Variants in CALN1 observed in about 807,000 individuals in gnomAD.
The protein encoded by CALN1 is calcium-binding protein 8.
Under a neutral mutation model 30.6 loss-of-function variants are expected in CALN1, and 17 were observed. That is an observed-to-expected ratio of 0.56 (90% CI 0.38 to 0.83). The LOEUF (loss-of-function observed/expected upper bound fraction) is 0.83, where lower values mean the gene tolerates loss of function less well. Ranked by LOEUF, CALN1 falls within the 40% of genes least tolerant of loss-of-function variation. CALN1 has a pLI of 0.00. For synonymous variants in CALN1, 156 were observed against 131.4 expected, an observed-to-expected ratio of 1.19 and a Z score of -1.28; for missense variants, 291 against 354.9, an observed-to-expected ratio of 0.82 and a Z score of 1.45.
intron 2 of CALN1, among the ~76,000 whole-genome samples, chr7:72,333,900 C>G (rs182153851): frequency 1.3e-5 from 2 of 152,258 alleles, no homozygotes; most frequent in Non-Finnish European, 2.9e-5. Context: ...GAATATAGGG[C>G]ACCCACTCTG....
At position 72,396,235 on chromosome 7, in the gene CALN1, T is replaced by TAAAAAAAAAAAAAAAAAA. The variant is rs55683543; in HGVS notation, c.119+6998_119+7015dup. On this transcript the variant is annotated intron_variant, in intron 2 of 6. Transcript: ENST00000395275. The stretch of plus-strand genomic sequence containing the variant: ...AGCATGGTGAAACTCTTGTCTCTAC[T>TAAAAAAAAAAAAAAAAAA]AAAAAAAAAAAAAAAAAAAAAAGAA... Among the ~76,000 whole-genome samples the TAAAAAAAAAAAAAAAAAA allele has an allele frequency of 9.6e-4, 51 of 53,302 alleles. 1 individual carries two copies. Among genetic ancestry groups the TAAAAAAAAAAAAAAAAAA allele is most frequent in the Admixed American group, 1.2e-3 (5 of 4,240 alleles). 35.0% of individuals were successfully genotyped at this position (53,302 alleles called of 152,430 possible).
chr7:72,159,706 G>C lies in CALN1; in HGVS notation c.245-53412C>G, dbSNP rs1455316592. Among the ~76,000 whole-genome samples, 3 of 152,136 alleles carry C rather than the reference G, an allele frequency of 2.0e-5. No homozygotes were observed. In the South Asian group the frequency reaches 6.2e-4, roughly 31 times the overall value. The stretch of plus-strand genomic sequence containing the variant: ...CCAGTTACTAGGGAGGCTGAGGCAG[G>C]AGGATGGCTTGAACCTGGGAGGCAA... On this transcript the variant is annotated intron_variant, in intron 3 of 6. Coordinates refer to ENST00000395275, the MANE Select transcript of CALN1 (RefSeq NM_031468.4).
chr7:72,410,545 A>G (rs749023638), intron 1 of CALN1, among the ~76,000 whole-genome samples: 2 of 152,212 alleles, frequency 1.3e-5, no homozygotes, highest in African/African-American at 2.4e-5. Flanking sequence ...TCCACATCTG[A>G]AAACTGAAAT....
chr7:71,871,720 T>C (rs910017989), intron 5 of CALN1, among the ~76,000 whole-genome samples: 1 of 152,154 alleles, frequency 6.6e-6, no homozygotes, highest in Non-Finnish European at 1.5e-5. Flanking sequence ...TACTCTTCTC[T>C]AGTTTCCCAT....
intron 2 of CALN1, among the ~76,000 whole-genome samples, chr7:72,398,831 TAAACAG>T (rs1386607614): frequency 6.6e-6 from 1 of 152,170 alleles, no homozygotes; most frequent in African/African-American, 2.4e-5. Context: ...AAAGTTTCTA[TAAACAG>T]AAACAAAAAA....
intron 1 of CALN1, among the ~76,000 whole-genome samples, chr7:72,433,905 A>G (rs939216488): frequency 6.6e-6 from 1 of 151,846 alleles, no homozygotes; most frequent in Non-Finnish European, 1.5e-5. Context: ...AATAATAATA[A>G]TAATTAGCCA....
intron 3 of CALN1, among the ~76,000 whole-genome samples, chr7:72,109,298 C>T (rs1023046232): frequency 1.3e-5 from 2 of 152,166 alleles, no homozygotes; most frequent in Non-Finnish European, 2.9e-5. Context: ...ATTAGGTCCA[C>T]GGCCAAACCC....
At chr7:72,016,248 CAAAAA>C (rs1216381592) in intron 5 of CALN1, among the ~76,000 whole-genome samples, 1 of 73,378 alleles carries the variant, frequency 1.4e-5, no homozygotes, top group African/African-American at 4.4e-5. Context: ...GACTCCATCT[CAAAAA>C]AAAAAAAAAA....
chr7:72,366,547 T>TC (rs35298825), intron 2 of CALN1, among the ~76,000 whole-genome samples: 1 of 151,778 alleles, frequency 6.6e-6, no homozygotes, highest in South Asian at 2.1e-4. Context: ...GGATGAATTT[T>TC]TAGTGCTGAA....
chr7:71,817,624 T>C (rs1466311777), intron 5 of CALN1, among the ~76,000 whole-genome samples: 2 of 152,238 alleles, frequency 1.3e-5, no homozygotes, highest in Non-Finnish European at 2.9e-5. Context: ...CAAGTGGTTC[T>C]TCTGCCTCAG....
chr7:72,132,623 C>A (rs1299651118), intron 3 of CALN1, among the ~76,000 whole-genome samples: 1 of 152,134 alleles, frequency 6.6e-6, no homozygotes, highest in African/African-American at 2.4e-5. Flanking sequence ...AGCTGCACAG[C>A]CAGTCTACCA....
chr7:72,254,842 C>T (rs1442447200), intron 3 of CALN1, among the ~76,000 whole-genome samples: 4 of 152,154 alleles, frequency 2.6e-5, no homozygotes, highest in Admixed American at 2.6e-4. Flanking sequence ...TCTCGGCTCA[C>T]TGCAACCTCT....
At chr7:71,944,720 A>T (rs908932760) in intron 5 of CALN1, among the ~76,000 whole-genome samples, 3 of 152,154 alleles carry the variant, frequency 2.0e-5, no homozygotes, top group African/African-American at 7.2e-5. Flanking sequence ...TCAATTACTA[A>T]TTATAAATCA....
At chr7:72,387,477 A>AAC (rs960466053) in intron 2 of CALN1, among the ~76,000 whole-genome samples, 1 of 152,124 alleles carries the variant, frequency 6.6e-6, no homozygotes, top group Non-Finnish European at 1.5e-5. Flanking sequence ...AAACCTGACA[A>AAC]ACACACACTC....
intron 5 of CALN1, among the ~76,000 whole-genome samples, chr7:71,830,534 G>C (rs1157797806): frequency 2.0e-5 from 3 of 151,828 alleles, no homozygotes; most frequent in African/African-American, 7.3e-5. Flanking sequence ...TTTTAGTAGA[G>C]ATGGGGTTTC....
chr7:72,138,760 G>A (rs1056200962), intron 3 of CALN1, among the ~76,000 whole-genome samples: 2 of 152,068 alleles, frequency 1.3e-5, no homozygotes, highest in East Asian at 1.9e-4. Flanking sequence ...ACCATTGGTC[G>A]GCCTCTCTCC....
chr7:72,023,031 T>C (rs1439887748), intron 5 of CALN1, among the ~76,000 whole-genome samples: 1 of 152,118 alleles, frequency 6.6e-6, no homozygotes, highest in African/African-American at 2.4e-5. Flanking sequence ...ACTTACGTGA[T>C]TCAAATTTTT....
At chr7:72,106,980 AGAAAGAAAG>A (rs1374809966) in intron 3 of CALN1, among the ~76,000 whole-genome samples, 1 of 149,756 alleles carries the variant, frequency 6.7e-6, no homozygotes, top group Non-Finnish European at 1.5e-5. Flanking sequence ...AAAGAGAGAA[AGAAAGAAAG>A]GAAAGAAAGA....
In CALN1 at chr7:71,994,511, C is replaced by CAAAAAAAAAAAAAAAAAAAAA. The variant is rs367725464; in HGVS notation, c.501+29125_501+29145dup. 6.8e-5 allele frequency among the ~76,000 whole-genome samples: 3 copies of CAAAAAAAAAAAAAAAAAAAAA among 44,056 alleles called. 1 individual carries two copies. The Admixed American group carries it at 6.8e-4, about 10-fold the overall frequency. The allele number at this position is 44,056 out of a possible 152,430, so 28.9% of individuals were successfully genotyped here. ...TGGGCGACAGAGCAAGACTTCATCT[C>CAAAAAAAAAAAAAAAAAAAAA]AAAAAAAAAAAAAAAAAAAAAACAG... On this transcript the variant is annotated intron_variant, in intron 5 of 6. Transcript: ENST00000395275.
Sources: gnomAD v4.1 joint callset for allele counts (sites outside exome capture counted in the v4.1 genomes callset) on GRCh38, gnomAD v4.1.1 for gene constraint, MANE v1.5 for transcripts, NCBI Gene and HGNC (gene_info 2026-07-23, HGNC 2026-07-21) for gene names.